Variants in SPATA6L observed in about 807,000 individuals in gnomAD.
SPATA6L encodes spermatogenesis associated 6-like protein.
In SPATA6L, 68 loss-of-function variants were observed where a neutral mutation model predicts 49.2. That is an observed-to-expected ratio of 1.38 (90% CI 1.14 to 1.69). SPATA6L has a LOEUF of 1.69. Ranked by LOEUF, SPATA6L falls within the 40% of genes most tolerant of loss-of-function variation. The pLI is 0.00. For missense variants in SPATA6L, 668 were observed against 464.3 expected (o/e 1.44, Z -4.03); for synonymous variants, 198 against 165.7 (o/e 1.19, Z -1.50).
intron 3 of SPATA6L, among the ~76,000 whole-genome samples, chr9:4,639,625 A>G (rs1029598182): frequency 2.6e-5 from 4 of 152,342 alleles, no homozygotes; most frequent in African/African-American, 9.6e-5. Flanking sequence ...AAACATATTC[A>G]CAGGCTGAAC....
chr9:4,611,491 C>T (rs1171315185), intron 9 of SPATA6L, among the ~76,000 whole-genome samples: 1 of 149,244 alleles, frequency 6.7e-6, no homozygotes, highest in Non-Finnish European at 1.5e-5. Flanking sequence ...AGTTCATGTC[C>T]TTTGTAGGGA....
rs1830608541 is a variant in SPATA6L, at chr9:4,627,719, T to TA, written c.429+1371dup. 1.6e-5 allele frequency: 20 copies of TA among 1,288,452 alleles called. No individual in the cohort carries two copies. The South Asian group carries it at 2.5e-4, about 16-fold the overall frequency. 79.8% of individuals were successfully genotyped at this position (1,288,452 alleles called of 1,614,324 possible). ...GAAGAAGCAAGTAAAATTGAGGTAG[T>TA]ACACATGGATGCCCTAAGACGCTTC... On this transcript the variant is annotated intron_variant, in intron 5 of 11. Transcript: ENST00000682582.
chr9:4,666,173 G>C, intron 1 of SPATA6L, 39 bp downstream of exon 1: 1 of 1,610,200 alleles, frequency 6.2e-7, no homozygotes, highest in Non-Finnish European at 8.5e-7. Flanking sequence ...TTTAGAGTCC[G>C]ACTTGAGGTT....
intron 2 of SPATA6L, among the ~76,000 whole-genome samples, chr9:4,661,306 A>T (rs1463275805): frequency 6.6e-6 from 1 of 152,196 alleles, no homozygotes; most frequent in African/African-American, 2.4e-5. Context: ...ATGACATAGT[A>T]ATAACATCAA....
rs1029324979 is a variant in SPATA6L at position 4,662,610 on chromosome 9, T to G, written c.40-574A>C. On this transcript the variant is annotated intron_variant, in intron 1 of 11. Transcript: ENST00000682582. This position sits in a 1 kb window ranked among gnomAD's most constrained non-coding sequence, Gnocchi z 4.9. ...CTTCCCCCTGGCCGCGGCGGGCCCC[T>G]CGCAGTCGCCCGCGCCTCCGCTGCC... is the stretch of plus-strand genomic sequence containing the variant. The G allele has an allele frequency of 3.1e-6, 5 of 1,595,124 alleles. No homozygotes were observed. The highest frequency in any genetic ancestry group is 3.4e-6 in the Non-Finnish European group (4 of 1,178,064).
At chr9:4,627,374 T>G (rs1448158451) in intron 5 of SPATA6L, 2 of 164,072 alleles carry the variant, frequency 1.2e-5, no homozygotes, top group Non-Finnish European at 2.7e-5. Flanking sequence ...TGGTCTCCCA[T>G]TATATGAGTT....
Position 4,662,557 on chromosome 9 carries a change from C to A in SPATA6L, c.40-521G>T. On this transcript the variant is annotated intron_variant, in intron 1 of 11. Coordinates refer to ENST00000682582, the MANE Select transcript of SPATA6L (RefSeq NM_001353486.2). The surrounding 1 kb of genome is among the most constrained non-coding windows in gnomAD (Gnocchi z 4.9). ...CCCACCTGCGCCCGGCTCCGTGCATCGGAGAGCCCAGTTCACCGCCGCGGC... is the reference window on the plus strand; with the variant it reads ...CCCACCTGCGCCCGGCTCCGTGCATAGGAGAGCCCAGTTCACCGCCGCGGC... The A allele has an allele frequency of 6.3e-7, 1 of 1,579,102 alleles. No homozygotes were observed.
At chr9:4,597,872 G>A (rs1209407411), downstream of SPATA6L, among the ~76,000 whole-genome samples, 1 of 152,176 alleles carries the variant, frequency 6.6e-6, no homozygotes, top group Admixed American at 6.5e-5. Context: ...CTGTTCCTCA[G>A]GCTGCCCTCC....
At chr9:4,612,004 C>T (rs1370192988) in intron 9 of SPATA6L, among the ~76,000 whole-genome samples, 1 of 151,282 alleles carries the variant, frequency 6.6e-6, no homozygotes, top group Non-Finnish European at 1.5e-5. Flanking sequence ...TGTTGCCATG[C>T]CTGGCTATTT....
chr9:4,601,873 A>C (rs1230347933), intron 11 of SPATA6L, among the ~76,000 whole-genome samples: 1 of 152,022 alleles, frequency 6.6e-6, no homozygotes, highest in Non-Finnish European at 1.5e-5. Flanking sequence ...TCTTTCCTGG[A>C]CTCACTGAGA....
chr9:4,606,213 G>A (rs1299835011), intron 9 of SPATA6L, among the ~76,000 whole-genome samples: 1 of 149,450 alleles, frequency 6.7e-6, no homozygotes, highest in Non-Finnish European at 1.5e-5. Flanking sequence ...GCGGCAGCGA[G>A]GCTGGGGGAG....
chr9:4,662,648 C>A lies in SPATA6L; in HGVS notation c.40-612G>T. ...CGCCTCCGCTGCCCGAGGAGGACCG[C>A]ATGGACTTGAACCCGTCCTTCCTGG... On this transcript the variant is annotated intron_variant, in intron 1 of 11. Coordinates refer to ENST00000682582, the MANE Select transcript of SPATA6L (RefSeq NM_001353486.2). The surrounding 1 kb of genome is among the most constrained non-coding windows in gnomAD (Gnocchi z 4.9). 6.3e-7 allele frequency: 1 copy of A among 1,599,576 alleles called. No homozygotes were observed. The highest frequency in any genetic ancestry group is 8.5e-7 in the Non-Finnish European group (1 of 1,179,760).
chr9:4,654,972 T>G (rs1335949662), intron 3 of SPATA6L, among the ~76,000 whole-genome samples: 1 of 152,152 alleles, frequency 6.6e-6, no homozygotes, highest in African/African-American at 2.4e-5. Flanking sequence ...CTGGTCCATA[T>G]CATTTAAAGG....
intron 2 of SPATA6L, among the ~76,000 whole-genome samples, chr9:4,660,023 A>G (rs1839237633): frequency 6.6e-6 from 1 of 152,254 alleles, no homozygotes. Context: ...TTATACAAAA[A>G]TTAATTCAAG....
Position 4,662,429 on chromosome 9 carries a change from G to C in SPATA6L, c.40-393C>G, listed in dbSNP as rs763197873. On this transcript the variant is annotated intron_variant, in intron 1 of 11. Transcript: ENST00000682582. The surrounding 1 kb of genome is among the most constrained non-coding windows in gnomAD (Gnocchi z 4.9). Reference sequence around the variant, plus strand: ...GACGGCCGCTGGGCGTCTCCGCTTCGAGCAGCAGCAGCAGCCCCGGCAGCC... The same window carrying C: ...GACGGCCGCTGGGCGTCTCCGCTTCCAGCAGCAGCAGCAGCCCCGGCAGCC... 6.5e-7 allele frequency: 1 copy of C among 1,541,538 alleles called. No individual in the cohort carries two copies. The highest frequency in any genetic ancestry group is 8.7e-7 in the Non-Finnish European group (1 of 1,152,068).
At chr9:4,645,747 G>T (rs1487749941) in intron 3 of SPATA6L, among the ~76,000 whole-genome samples, 1 of 152,086 alleles carries the variant, frequency 6.6e-6, no homozygotes, top group Non-Finnish European at 1.5e-5. Context: ...GATATAAAAG[G>T]CCACATATTG....
At chr9:4,621,237 T>C (rs1202698215) in intron 7 of SPATA6L, among the ~76,000 whole-genome samples, 2 of 152,178 alleles carry the variant, frequency 1.3e-5, no homozygotes, top group African/African-American at 4.8e-5. Flanking sequence ...ACTGGCATGA[T>C]TCATGGATTT....
chr9:4,660,832 C>A (rs556344663), intron 2 of SPATA6L, among the ~76,000 whole-genome samples: 1 of 152,172 alleles, frequency 6.6e-6, no homozygotes, highest in Admixed American at 6.5e-5. Context: ...ACATATACAC[C>A]GTGGAATACT....
chr9:4,639,417 G>C (rs10974692), intron 3 of SPATA6L, among the ~76,000 whole-genome samples: 18,398 of 152,150 alleles, frequency 0.12, 1,557 homozygotes, highest in African/African-American at 0.23. Flanking sequence ...AAATTGAAAG[G>C]GAGCTCATAC....
Sources: gnomAD v4.1 joint callset for allele counts (sites outside exome capture counted in the v4.1 genomes callset) on GRCh38, gnomAD v4.1.1 for gene constraint, Gnocchi (gnomAD v3.1) non-coding constraint, MANE v1.5 for transcripts, NCBI Gene and HGNC (gene_info 2026-07-23, HGNC 2026-07-21) for gene names.